The following OR6C1 variants were observed in gnomAD, a reference collection of about 807,000 sequenced individuals.
OR6C1 encodes olfactory receptor 6C1.
For missense variants in OR6C1, 386 were observed against 366.1 expected (o/e 1.05, Z -0.44); for synonymous variants, 157 against 133.3 (o/e 1.18, Z -1.22).
At chr12:55,319,003 C>T (rs1245925183) in intron 1 of OR6C1, among the ~76,000 whole-genome samples, 1 of 152,024 alleles carries the variant, frequency 6.6e-6, no homozygotes, top group East Asian at 1.9e-4. Flanking sequence ...TTGGAGAATA[C>T]TTATCTATCA....
In OR6C1 at chr12:55,321,634, T is replaced by C; in HGVS notation, c.*96T>C. On this transcript the variant is annotated 3_prime_UTR_variant, in exon 2 of 2. Coordinates refer to ENST00000642104, the MANE Select transcript of OR6C1 (RefSeq NM_001005182.2). ...AATGGCCTCCTTGCAGTCTTCTGCATCATTTTCTTTTCCCTAAAAGTTTGC... is the reference window on the plus strand; with the variant it reads ...AATGGCCTCCTTGCAGTCTTCTGCACCATTTTCTTTTCCCTAAAAGTTTGC... The C allele has an allele frequency of 2.9e-6, 2 of 688,930 alleles. No homozygotes were observed. Among genetic ancestry groups the C allele is most frequent in the East Asian group, 2.7e-5 (1 of 37,426 alleles). 42.7% of individuals were successfully genotyped at this position (688,930 alleles called of 1,614,324 possible).
chr12:55,317,097 G>C (rs1257699393), intron 1 of OR6C1, among the ~76,000 whole-genome samples: 1 of 151,900 alleles, frequency 6.6e-6, no homozygotes, highest in East Asian at 1.9e-4. Flanking sequence ...CTATAGACCA[G>C]TAATAATATA....
intron 1 of OR6C1, among the ~76,000 whole-genome samples, chr12:55,318,786 T>C (rs972953088): frequency 2.0e-5 from 3 of 151,348 alleles, no homozygotes; most frequent in Admixed American, 6.6e-5. Context: ...GACAGACTTG[T>C]ATACAGTGGA....
rs866942280 is a variant in OR6C1, at chr12:55,317,956, C to T, written c.-33-2611C>T. On this transcript the variant is annotated intron_variant, in intron 1 of 1. Coordinates refer to ENST00000642104, the MANE Select transcript of OR6C1 (RefSeq NM_001005182.2). ...TTATATATATATGTATATATATACACACACACACACACATATATACACATA... is the reference window on the plus strand; with the variant it reads ...TTATATATATATGTATATATATACATACACACACACACATATATACACATA... Among the ~76,000 whole-genome samples, 514 of 147,610 alleles carry T rather than the reference C, an allele frequency of 3.5e-3. 7 individuals carry two copies. The highest frequency in any genetic ancestry group is 0.012 in the African/African-American group (500 of 40,374).
chr12:55,320,568 T>C lies in OR6C1; in HGVS notation c.-32T>C. On this transcript the variant is annotated splice_region_variant and 5_prime_UTR_variant, in exon 2 of 2. Transcript: ENST00000642104. ...TGTTCTTTGTACTTTCTCTTGTAGG[T>C]CTGGCAGGGGAAAAAAGAAAGCAAC... The C allele has an allele frequency of 7.9e-7, 1 of 1,261,312 alleles. No homozygotes were observed. Among genetic ancestry groups the C allele is most frequent in the Non-Finnish European group, 1.1e-6 (1 of 884,282 alleles). The allele number at this position is 1,261,312 out of a possible 1,614,324, so 78.1% of individuals were successfully genotyped here. A position where few individuals can be genotyped will look rare whatever the true frequency, so the allele number is the denominator to read the frequency against.
intron 1 of OR6C1, among the ~76,000 whole-genome samples, chr12:55,315,365 T>C (rs185373225): frequency 1.3e-3 from 195 of 151,798 alleles, no homozygotes; most frequent in African/African-American, 4.5e-3. Flanking sequence ...TACCACAGTT[T>C]TCTGTTAATT....
intron 1 of OR6C1, among the ~76,000 whole-genome samples, chr12:55,315,851 C>A (rs1868399234): frequency 6.6e-6 from 1 of 150,840 alleles, no homozygotes; most frequent in Non-Finnish European, 1.5e-5. Flanking sequence ...CAACATTGAG[C>A]TAAATAATTT....
At chr12:55,319,028 G>A (rs1868469921) in intron 1 of OR6C1, among the ~76,000 whole-genome samples, 1 of 151,620 alleles carries the variant, frequency 6.6e-6, no homozygotes, top group African/African-American at 2.4e-5. Context: ...TTTAACTGAG[G>A]GCATCCTTCT....
intron 1 of OR6C1, among the ~76,000 whole-genome samples, chr12:55,316,433 G>C (rs1208097590): frequency 6.6e-6 from 1 of 151,722 alleles, no homozygotes; most frequent in Non-Finnish European, 1.5e-5. Flanking sequence ...TTTGTTGCAG[G>C]AATCTTTAGA....
intron 1 of OR6C1, among the ~76,000 whole-genome samples, chr12:55,317,525 TA>T (rs1227134622): frequency 2.0e-5 from 3 of 151,780 alleles, no homozygotes; most frequent in Non-Finnish European, 4.4e-5. Flanking sequence ...GATAAAAAAC[TA>T]AGTAAGATCC....
At chr12:55,319,070 TATTTC>T (rs1193269024) in intron 1 of OR6C1, among the ~76,000 whole-genome samples, 1 of 152,152 alleles carries the variant, frequency 6.6e-6, no homozygotes. Flanking sequence ...TTTACTTATT[TATTTC>T]AATTATAAAG....
intron 1 of OR6C1, among the ~76,000 whole-genome samples, chr12:55,320,055 C>T (rs922523821): frequency 4.3e-4 from 66 of 152,132 alleles, no homozygotes; most frequent in African/African-American, 1.4e-3. Flanking sequence ...GCAGGAGAAT[C>T]GCTTGAACCC....
chr12:55,321,323 C>T lies in OR6C1; in HGVS notation c.724C>T (p.His242Tyr), dbSNP rs2120452044. 6.2e-7 allele frequency: 1 copy of T among 1,613,346 alleles called. No individual in the cohort carries two copies. The highest frequency in any genetic ancestry group is 8.5e-7 in the Non-Finnish European group (1 of 1,179,356). ...AAAGGCCTTTTCCACATGTTCTTCC[C>T]ACATGGTTGTTGTCTCCATCTCTTA... is the stretch of plus-strand genomic sequence containing the variant. ...RTKAFSTCSS[H>Y]MVVVSISYGS... is the part of the protein sequence containing the mutation. Residue 242 changes from histidine to tyrosine, a missense_variant, in exon 2 of 2, where the codon CAC becomes TAC. Physicochemically the swap from His to Tyr is moderately conservative, Grantham distance 83 (BLOSUM62 2). Coordinates refer to ENST00000642104, the MANE Select transcript of OR6C1 (RefSeq NM_001005182.2).
intron 1 of OR6C1, among the ~76,000 whole-genome samples, chr12:55,317,378 A>T (rs1230715588): frequency 6.6e-6 from 1 of 152,060 alleles, no homozygotes; most frequent in Non-Finnish European, 1.5e-5. Flanking sequence ...GTTTTCTTTA[A>T]ACTTATGTAT....
intron 1 of OR6C1, among the ~76,000 whole-genome samples, chr12:55,318,056 C>T (rs1565661158): frequency 1.3e-5 from 2 of 151,104 alleles, no homozygotes; most frequent in Non-Finnish European, 2.9e-5. Context: ...TATGCACACT[C>T]ACATATGTAT....
intron 1 of OR6C1, among the ~76,000 whole-genome samples, chr12:55,319,691 G>A (rs1489112182): frequency 6.6e-6 from 1 of 152,116 alleles, no homozygotes; most frequent in African/African-American, 2.4e-5. Context: ...TCAGCAGTCA[G>A]GCTTACACAG....
At chr12:55,317,990 T>C (rs1868440722) in intron 1 of OR6C1, among the ~76,000 whole-genome samples, 1 of 149,054 alleles carries the variant, frequency 6.7e-6, no homozygotes, top group South Asian at 2.1e-4. Flanking sequence ...TATATATACA[T>C]ACACATATAT....
In OR6C1 at chr12:55,321,955, A is replaced by G. The variant is rs1425878106; in HGVS notation, c.*417A>G. ...CTATGCTACTGATGTTCTAGGAAATATGTGAAAGATACAATATAATTTTTA... is the reference window on the plus strand; with the variant it reads ...CTATGCTACTGATGTTCTAGGAAATGTGTGAAAGATACAATATAATTTTTA... On this transcript the variant is annotated 3_prime_UTR_variant, in exon 2 of 2. Transcript: ENST00000642104. 6.6e-6 allele frequency: 1 copy of G among 152,336 alleles called. No individual in the cohort carries two copies. The highest frequency in any genetic ancestry group is 2.4e-5 in the African/African-American group (1 of 41,458). 9.4% of individuals were successfully genotyped at this position (152,336 alleles called of 1,614,324 possible).
At position 55,321,043 on chromosome 12, in the gene OR6C1, G is replaced by A. The variant is rs765693525; in HGVS notation, c.444G>A (p.Leu148=). ...CACTGCTTGTTTTTACTTCTTGGCT[G>A]GTTTCATTCTTAATCATATTCCCAG... The part of the protein sequence containing the change: ...VCTLLVFTSW[L]VSFLIIFPAL... The change falls in exon 2 of 2, where the codon CTG becomes CTA. Residue 148 remains leucine, a synonymous_variant. Coordinates refer to ENST00000642104, the MANE Select transcript of OR6C1 (RefSeq NM_001005182.2). 24 of 1,613,480 alleles carry A rather than the reference G, an allele frequency of 1.5e-5. 1 individual carries two copies. In the South Asian group the frequency reaches 2.4e-4, roughly 16 times the overall value.
Sources: gnomAD v4.1 joint callset for allele counts (sites outside exome capture counted in the v4.1 genomes callset) on GRCh38, gnomAD v4.1.1 for gene constraint, MANE v1.5 for transcripts, NCBI Gene and HGNC (gene_info 2026-07-23, HGNC 2026-07-21) for gene names.